The following HSF2BP variants were observed in gnomAD, a reference collection of about 807,000 sequenced individuals.
HSF2BP encodes heat shock transcription factor 2 binding protein, also known as heat shock factor 2-binding protein.
Under a neutral mutation model 35.0 loss-of-function variants are expected in HSF2BP, and 35 were observed. That is an observed-to-expected ratio of 1.00 (90% CI 0.76 to 1.32). The LOEUF (loss-of-function observed/expected upper bound fraction) is 1.32, where lower values mean the gene tolerates loss of function less well. Ranked by LOEUF, HSF2BP falls within the 40% of genes most tolerant of loss-of-function variation. The pLI, the probability that HSF2BP is intolerant of heterozygous loss-of-function variation, is 0.00. For synonymous variants in HSF2BP, 114 were observed against 117.4 expected (o/e 0.97, Z 0.18); for missense variants, 326 against 321.7 (o/e 1.01, Z -0.10).
chr21:43,647,279 T>C (rs1460829325), intron 3 of HSF2BP, among the ~76,000 whole-genome samples: 1 of 152,092 alleles, frequency 6.6e-6, no homozygotes. Context: ...TCTCTGTCAG[T>C]GCAGTGGCAC....
chr21:43,616,084 A>G (rs1294954036), intron 6 of HSF2BP, among the ~76,000 whole-genome samples: 2 of 151,912 alleles, frequency 1.3e-5, no homozygotes, highest in Non-Finnish European at 2.9e-5. Flanking sequence ...AGCAAGCAAC[A>G]TAGAACTATT....
intron 6 of HSF2BP, among the ~76,000 whole-genome samples, chr21:43,614,881 T>C (rs2082251953): frequency 6.6e-6 from 1 of 152,198 alleles, no homozygotes; most frequent in South Asian, 2.1e-4. Context: ...TGAAATTATA[T>C]GTAGTCAAAA....
intron 3 of HSF2BP, among the ~76,000 whole-genome samples, chr21:43,646,621 C>T (rs937737883): frequency 3.3e-5 from 5 of 152,338 alleles, no homozygotes; most frequent in African/African-American, 7.2e-5. Context: ...CCACCCAAAA[C>T]GGCTCTCTTG....
At chr21:43,636,040 T>C (rs886097983) in intron 4 of HSF2BP, among the ~76,000 whole-genome samples, 2 of 143,620 alleles carry the variant, frequency 1.4e-5, no homozygotes, top group Middle Eastern at 3.6e-3. Flanking sequence ...TGAGACCCCA[T>C]CTCTACAAAA....
intron 7 of HSF2BP, among the ~76,000 whole-genome samples, chr21:43,604,324 CCACA>C (rs777015460): frequency 2.2e-5 from 3 of 135,556 alleles, no homozygotes; most frequent in Non-Finnish European, 3.2e-5. Context: ...CACAAACACA[CCACA>C]CACACACACA....
rs185268069 is a variant in HSF2BP, at chr21:43,588,907, T to C, written c.796+3318A>G. 1.2e-3 allele frequency among the ~76,000 whole-genome samples: 176 copies of C among 152,310 alleles called. 2 individuals are homozygous for C. The highest frequency in any genetic ancestry group is 4.1e-3 in the Admixed American group (62 of 15,296). On this transcript the variant is annotated intron_variant, in intron 8 of 8. Transcript: ENST00000291560. ...TCAATGGAGTACAAGCATAGCCCCCTGGACCTGCCCTCAAACTGTGGAGGG... is the reference window on the plus strand; with the variant it reads ...TCAATGGAGTACAAGCATAGCCCCCCGGACCTGCCCTCAAACTGTGGAGGG...
intron 5 of HSF2BP, among the ~76,000 whole-genome samples, chr21:43,630,813 CT>C (rs554698689): frequency 1.8e-3 from 275 of 151,910 alleles, no homozygotes; most frequent in Admixed American, 3.1e-3. Flanking sequence ...TTTAGCATAA[CT>C]TTTTTCAAAA....
chr21:43,576,999 G>C (rs983649603), intron 8 of HSF2BP, among the ~76,000 whole-genome samples: 1 of 152,140 alleles, frequency 6.6e-6, no homozygotes, highest in South Asian at 2.1e-4. Flanking sequence ...GTAGGTCAAC[G>C]AATTTAATTC....
chr21:43,644,371 T>G lies in HSF2BP; in HGVS notation c.209A>C (p.Glu70Ala), dbSNP rs562555710. ...VEKNLERKEQELEQLKMDCEH... is the reference protein window; with the variant it reads ...VEKNLERKEQALEQLKMDCEH... ...ACAATCCATTTTCAGCTGCTCTAAT[T>G]CTTGCTCTTTCCTTTCCAGGTCTAG... The change falls in exon 4 of 9, where the codon GAA becomes GCA. Residue 70 changes from glutamate to alanine, a missense_variant. By Grantham distance (107) the Glu-to-Ala change is moderately radical. Transcript: ENST00000291560. 1 of 1,614,056 alleles carries G rather than the reference T, an allele frequency of 6.2e-7. No homozygotes were observed. The highest frequency in any genetic ancestry group is 1.1e-5 in the South Asian group (1 of 91,082).
intron 3 of HSF2BP, among the ~76,000 whole-genome samples, chr21:43,651,860 C>T (rs2838336): frequency 0.59 from 89,132 of 152,058 alleles, 26,522 homozygotes; most frequent in East Asian, 0.79. Context: ...GCAACACCTT[C>T]GTCAGTATTA....
intron 3 of HSF2BP, among the ~76,000 whole-genome samples, chr21:43,648,704 A>G (rs1390520092): frequency 6.6e-6 from 1 of 152,172 alleles, no homozygotes; most frequent in Non-Finnish European, 1.5e-5. Context: ...GATATTTCTC[A>G]AGTTCTTATT....
At chr21:43,589,189 C>T (rs1601628382) in intron 8 of HSF2BP, among the ~76,000 whole-genome samples, 3 of 152,300 alleles carry the variant, frequency 2.0e-5, no homozygotes, top group African/African-American at 4.8e-5. Flanking sequence ...ATCTTTACTA[C>T]ATAAGGGTAA....
intron 4 of HSF2BP, among the ~76,000 whole-genome samples, chr21:43,639,959 G>A (rs541278700): frequency 6.6e-6 from 1 of 152,254 alleles, no homozygotes; most frequent in African/African-American, 2.4e-5. Context: ...TGGAATATGA[G>A]GCAATAAAAA....
intron 8 of HSF2BP, among the ~76,000 whole-genome samples, chr21:43,587,490 AC>A (rs2081867214): frequency 6.6e-6 from 1 of 151,994 alleles, no homozygotes; most frequent in Non-Finnish European, 1.5e-5. Context: ...ACATGGAGAA[AC>A]CGCATCTCTA....
At chr21:43,604,425 A>C (rs565676074) in intron 7 of HSF2BP, among the ~76,000 whole-genome samples, 14 of 116,098 alleles carry the variant, frequency 1.2e-4, no homozygotes, top group African/African-American at 3.6e-4. Flanking sequence ...CACCCCACAC[A>C]CCACACCACA....
chr21:43,641,369 C>T (rs1027440937), intron 4 of HSF2BP, among the ~76,000 whole-genome samples: 2 of 152,146 alleles, frequency 1.3e-5, no homozygotes, highest in Non-Finnish European at 2.9e-5. Context: ...AACGTTGCTA[C>T]TGCCAGGACT....
chr21:43,614,449 T>C (rs770874318), intron 6 of HSF2BP, among the ~76,000 whole-genome samples: 1 of 151,102 alleles, frequency 6.6e-6, no homozygotes, highest in Non-Finnish European at 1.5e-5. Flanking sequence ...TATCAAGTAA[T>C]GTGCAGTGTG....
At chr21:43,506,218 C>T in the HSF2BP span, among the ~76,000 whole-genome samples, 3 of 117,094 alleles carry the variant, frequency 2.6e-5, 1 homozygote, top group South Asian at 8.3e-4. Flanking sequence ...GACCCATCTG[C>T]GCAAATGACA....
intron 2 of HSF2BP, 144 bp downstream of exon 2, chr21:43,657,897 TCCACCCCGCTCCGGCCCAGC>T (rs2082898901): frequency 4.1e-6 from 4 of 985,312 alleles, no homozygotes; most frequent in African/African-American, 1.7e-5. Flanking sequence ...GCCCCAGGTC[TCCACCCCGCTCCGGCCCAGC>T]CCACGCCGTT....
Sources: gnomAD v4.1 joint callset for allele counts (sites outside exome capture counted in the v4.1 genomes callset) on GRCh38, gnomAD v4.1.1 for gene constraint, MANE v1.5 for transcripts, NCBI Gene and HGNC (gene_info 2026-07-23, HGNC 2026-07-21) for gene names.